ATP10B: variants seen among roughly 807,000 people sequenced by gnomAD.
The protein encoded by ATP10B is ATPase phospholipid transporting 10B (putative), also known as phospholipid-transporting ATPase VB.
A neutral mutation model predicts 141.2 loss-of-function variants in ATP10B; 122 were observed. The observed-to-expected ratio is 0.86, with a 90% confidence interval of 0.75 to 1.00. The LOEUF is 1.00. ATP10B is among the 50% of genes least tolerant of loss of function. ATP10B has a pLI of 0.00. For synonymous variants in ATP10B, 685 were observed against 692.0 expected (o/e 0.99, Z 0.16); for missense variants, 1,876 against 1,825.3 (o/e 1.03, Z -0.51).
chr5:160,741,848 A>G (rs1767504072), intron 2 of ATP10B, among the ~76,000 whole-genome samples: 1 of 152,204 alleles, frequency 6.6e-6, no homozygotes, highest in South Asian at 2.1e-4. Context: ...ACTGTTCTGC[A>G]TATATCATCA....
chr5:160,751,871 T>A (rs1768176475), intron 2 of ATP10B, among the ~76,000 whole-genome samples: 1 of 152,180 alleles, frequency 6.6e-6, no homozygotes, highest in Non-Finnish European at 1.5e-5. Flanking sequence ...CACATTTTTG[T>A]CCTGGCTGAA....
the ATP10B span, among the ~76,000 whole-genome samples, chr5:160,881,057 C>T: frequency 1.3e-5 from 2 of 152,168 alleles, no homozygotes; most frequent in Middle Eastern, 3.4e-3. Flanking sequence ...AAGACTATTA[C>T]CCAAAATATA....
chr5:160,840,631 G>C (rs1178234833), intron 1 of ATP10B, among the ~76,000 whole-genome samples: 1 of 151,996 alleles, frequency 6.6e-6, no homozygotes, highest in African/African-American at 2.4e-5. Flanking sequence ...CTATATTCTA[G>C]GTTTATGAAA....
chr5:160,648,350 G>T (rs746113242), intron 8 of ATP10B, among the ~76,000 whole-genome samples: 4 of 152,152 alleles, frequency 2.6e-5, no homozygotes, highest in Non-Finnish European at 4.4e-5. Flanking sequence ...TAGCTCATCA[G>T]CTATTGTTAG....
chr5:160,807,101 G>A (rs1772831818), intron 1 of ATP10B, among the ~76,000 whole-genome samples: 2 of 152,122 alleles, frequency 1.3e-5, no homozygotes, highest in Non-Finnish European at 2.9e-5. Context: ...TGTTAAAAAG[G>A]AATGAACAGT....
chr5:160,625,457 A>G (rs1384436893), intron 13 of ATP10B, among the ~76,000 whole-genome samples: 1 of 152,190 alleles, frequency 6.6e-6, no homozygotes, highest in East Asian at 1.9e-4. Flanking sequence ...ATGCTGTTAA[A>G]TCTTACTGCC....
chr5:160,650,537 A>T (rs1017005519), intron 7 of ATP10B, among the ~76,000 whole-genome samples: 1 of 152,206 alleles, frequency 6.6e-6, no homozygotes, highest in Admixed American at 6.5e-5. Context: ...CTCCACAAAC[A>T]AGTTTAATGG....
At chr5:160,831,012 T>G (rs1775039771) in intron 1 of ATP10B, among the ~76,000 whole-genome samples, 1 of 150,018 alleles carries the variant, frequency 6.7e-6, no homozygotes, top group Non-Finnish European at 1.5e-5. Context: ...GTGGACAGAA[T>G]AGTGTAGTGG....
the ATP10B span, among the ~76,000 whole-genome samples, chr5:160,871,307 A>C: frequency 2.0e-5 from 3 of 152,166 alleles, no homozygotes; most frequent in Non-Finnish European, 4.4e-5. Flanking sequence ...GGAGGGAATT[A>C]GAATAATTTT....
intron 2 of ATP10B, among the ~76,000 whole-genome samples, chr5:160,767,062 G>A (rs962845893): frequency 3.3e-5 from 5 of 152,004 alleles, no homozygotes; most frequent in African/African-American, 1.2e-4. Context: ...AAAAAAAAAA[G>A]GAATTGTCTT....
At chr5:160,922,184 G>A in the ATP10B span, among the ~76,000 whole-genome samples, 2 of 152,206 alleles carry the variant, frequency 1.3e-5, no homozygotes, top group African/African-American at 4.8e-5. Flanking sequence ...TAGATTCACT[G>A]TGTAGACCAG....
At chr5:160,617,805 G>A (rs1758106943) in intron 16 of ATP10B, 59 bp downstream of exon 16, 2 of 1,399,678 alleles carry the variant, frequency 1.4e-6, no homozygotes, top group Non-Finnish European at 2.0e-6. Flanking sequence ...AAGAAGCAGG[G>A]TCAAGGCCAT....
At chr5:160,875,319 C>T in the ATP10B span, among the ~76,000 whole-genome samples, 1 of 83,870 alleles carries the variant, frequency 1.2e-5, no homozygotes, top group Non-Finnish European at 3.1e-5. Context: ...AAATACTTTA[C>T]AGACAAGCAA....
chr5:160,900,908 G>GT, the ATP10B span, among the ~76,000 whole-genome samples: 1,243 of 88,976 alleles, frequency 0.014, 72 homozygotes, highest in East Asian at 0.03. Context: ...GGGTAGAGAA[G>GT]TTTTTTTTTT....
intron 15 of ATP10B, 90 bp from the exon 16 acceptor site, chr5:160,618,063 A>T: frequency 9.8e-7 from 1 of 1,025,522 alleles, no homozygotes; most frequent in Non-Finnish European, 1.5e-6. Context: ...GTAGTAGACT[A>T]CAAATACTTT....
Position 160,620,508 on chromosome 5 carries a change from T to A in ATP10B, c.2255A>T (p.Gln752Leu), listed in dbSNP as rs779125274. The change falls in exon 15 of 26, where the codon CAG becomes CTG. Residue 752 changes from glutamine (Q) to leucine (L), a missense_variant. Coordinates refer to ENST00000327245, the MANE Select transcript of ATP10B (RefSeq NM_025153.3). ...GAGGCTGAAGGTGAGGCAGGTGCCC[T>A]GGGGCAGGCGCACAGTCACCTGCTC... ...TPEQVTVRLP[Q>L]GTCLTFSLLC... 17 of 1,614,030 alleles carry A rather than the reference T, an allele frequency of 1.1e-5. No homozygotes were observed. The Admixed American group carries it at 2.8e-4, about 27-fold the overall frequency.
intron 1 of ATP10B, among the ~76,000 whole-genome samples, chr5:160,849,633 A>G (rs984993055): frequency 2.0e-5 from 3 of 151,916 alleles, no homozygotes; most frequent in Non-Finnish European, 4.4e-5. Flanking sequence ...ACACACACAC[A>G]CACACACACT....
chr5:160,608,085 C>A (rs773738742), intron 18 of ATP10B, among the ~76,000 whole-genome samples: 22 of 152,150 alleles, frequency 1.4e-4, no homozygotes, highest in Non-Finnish European at 2.4e-4. Context: ...TCCATCCCCC[C>A]ACCCCACGAC....
chr5:160,705,109 G>A (rs759536831), intron 3 of ATP10B, among the ~76,000 whole-genome samples: 18 of 151,462 alleles, frequency 1.2e-4, no homozygotes, highest in African/African-American at 4.4e-4. Flanking sequence ...TAGTAGAGAC[G>A]GGGTTTCACT....
Sources: allele counts gnomAD v4.1 joint callset (sites outside exome capture counted in the v4.1 genomes callset), GRCh38; gene constraint gnomAD v4.1.1; transcripts MANE v1.5; gene names NCBI Gene and HGNC (gene_info 2026-07-23, HGNC 2026-07-21).